The following RNF185 variants were observed in gnomAD, a reference collection of about 807,000 sequenced individuals.
RNF185 encodes the protein ring finger protein 185, also known as E3 ubiquitin-protein ligase RNF185.
A neutral mutation model predicts 24.9 loss-of-function variants in RNF185; 13 were observed. The ratio of observed to expected loss-of-function variants is 0.52; its 90% confidence interval spans 0.34 to 0.83. The LOEUF (loss-of-function observed/expected upper bound fraction) is 0.83. Among genes scored for constraint, RNF185 ranks in the 40% least tolerant of loss-of-function variants. The pLI is 0.01. For missense variants in RNF185, 184 were observed against 244.7 expected (o/e 0.75, Z 1.65); for synonymous variants, 79 against 90.3 (o/e 0.88, Z 0.71).
intron 1 of RNF185, among the ~76,000 whole-genome samples, chr22:31,163,993 A>T (rs1018396007): frequency 2.0e-4 from 27 of 134,990 alleles, no homozygotes; most frequent in South Asian, 7.1e-4. Context: ...TATTATTATT[A>T]TTTTTTAGAT....
chr22:31,190,848 C>T (rs991771355), intron 2 of RNF185, among the ~76,000 whole-genome samples: 2 of 151,992 alleles, frequency 1.3e-5, no homozygotes, highest in African/African-American at 4.8e-5. Context: ...AAATAATCTG[C>T]CCACCTCAGC....
Position 31,190,927 on chromosome 22 carries a change from A to G in RNF185, c.177-1757A>G, listed in dbSNP as rs572649384. Among the ~76,000 whole-genome samples the G allele has an allele frequency of 3.9e-5, 6 of 152,328 alleles. No individual in the cohort carries two copies. In the South Asian group the frequency reaches 8.3e-4, roughly 21 times the overall value. ...CTCTATGTTAGGTATGTTTAAATAC[A>G]CAAATATTTACCACTCTGTTACAGT... On this transcript the variant is annotated intron_variant, in intron 2 of 6. Transcript: ENST00000326132.
At chr22:31,200,031 G>GA (rs1459165066) in intron 5 of RNF185, among the ~76,000 whole-genome samples, 1 of 152,060 alleles carries the variant, frequency 6.6e-6, no homozygotes, top group Non-Finnish European at 1.5e-5. Flanking sequence ...CAGGGGAAGA[G>GA]AAAAAAATAT....
At position 31,180,523 on chromosome 22, in the gene RNF185, C is replaced by CTT. The variant is rs11419917; in HGVS notation, c.-48-6510_-48-6509dup. On this transcript the variant is annotated intron_variant, in intron 1 of 6. Coordinates refer to ENST00000326132, the MANE Select transcript of RNF185 (RefSeq NM_152267.4). ...GTATGTTCTTCCACATTGTTAAAGACTTTTTTTTTTTTTTTAATACAATCA... is the reference window on the plus strand; with the variant it reads ...GTATGTTCTTCCACATTGTTAAAGACTTTTTTTTTTTTTTTTTAATACAATCA... Among the ~76,000 whole-genome samples, 647 of 142,668 alleles carry CTT rather than the reference C, an allele frequency of 4.5e-3. 7 individuals carry two copies. The highest frequency in any genetic ancestry group is 0.033 in the South Asian group (146 of 4,478). 93.6% of individuals were successfully genotyped at this position (142,668 alleles called of 152,430 possible).
chr22:31,192,737 A>G (rs757559196), intron 3 of RNF185, 35 bp downstream of exon 3: 9 of 1,608,128 alleles, frequency 5.6e-6, no homozygotes, highest in Non-Finnish European at 7.7e-6. Flanking sequence ...GTCTTTCATC[A>G]GCTCTGGTTG....
rs1027093585 is a variant in RNF185, at chr22:31,187,102, G to A, written c.8G>A (p.Ser3Asn). 4 of 1,605,446 alleles carry A rather than the reference G, an allele frequency of 2.5e-6. No homozygotes were observed. Among genetic ancestry groups the A allele is most frequent in the Non-Finnish European group, 3.4e-6 (4 of 1,176,874 alleles). ...CTTCGCTGACAGCCAAGGATGGCAA[G>A]CAAGGGGCCCTCGGCCTCTGCATCT... MA[S>N]KGPSASASPE... Residue 3 changes from serine to asparagine, a missense_variant, in exon 2 of 7, where the codon AGC becomes AAC. Transcript: ENST00000326132.
intron 2 of RNF185, among the ~76,000 whole-genome samples, chr22:31,187,983 CA>C (rs2048116833): frequency 6.6e-6 from 1 of 151,322 alleles, no homozygotes; most frequent in South Asian, 2.1e-4. Context: ...AAAGGTCGAT[CA>C]AAAAATGCTA....
At chr22:31,169,396 ACTTTTT>A (rs1212136787) in intron 1 of RNF185, among the ~76,000 whole-genome samples, 4 of 152,162 alleles carry the variant, frequency 2.6e-5, no homozygotes, top group African/African-American at 9.6e-5. Context: ...CAATTTGTCT[ACTTTTT>A]CTTTTGTTAC....
At chr22:31,204,423 C>A in intron 6 of RNF185, 66 bp from the exon 7 acceptor site, 2 of 922,972 alleles carry the variant, frequency 2.2e-6, no homozygotes, top group Non-Finnish European at 3.6e-6. Context: ...CAACTTCTGG[C>A]CTGAGTGGGC....
At chr22:31,178,318 T>C (rs1263468991) in intron 1 of RNF185, among the ~76,000 whole-genome samples, 1 of 152,218 alleles carries the variant, frequency 6.6e-6, no homozygotes, top group Non-Finnish European at 1.5e-5. Context: ...GCCCTGAGGT[T>C]TCTGTCCTTC....
At chr22:31,160,877 G>A (rs911894875) in intron 1 of RNF185, among the ~76,000 whole-genome samples, 1 of 152,168 alleles carries the variant, frequency 6.6e-6, no homozygotes, top group Non-Finnish European at 1.5e-5. Flanking sequence ...CAGACTTCTG[G>A]TTTAGAATCT....
Position 31,196,945 on chromosome 22 carries a change from C to T in RNF185, c.318C>T (p.Thr106=), listed in dbSNP as rs775983070. The T allele has an allele frequency of 4.8e-5, 77 of 1,611,874 alleles. 1 individual carries two copies. In the East Asian group the frequency reaches 1.5e-3, roughly 32 times the overall value. Residue 106 remains threonine, a synonymous_variant, in exon 5 of 7, where the codon ACC becomes ACT. Transcript: ENST00000326132. ...ACCATTTCTGTTTCAGAGAGAAGAC[C>T]CCTCCTCGTCCTCAAGGACAGAGGC... is the stretch of plus-strand genomic sequence containing the variant. ...STGQQDPREK[T]PPRPQGQRPE... is the part of the protein sequence containing the mutation.
At position 31,201,481 on chromosome 22, in the gene RNF185, G is replaced by A; in HGVS notation, c.364-17G>A. ...CTGCCTGATTCTCCTGCCCTTAATT[G>A]CCTTTCTTCCACACAGGGATTTCAA... On this transcript the variant is annotated splice_polypyrimidine_tract_variant and intron_variant, in intron 5 of 6. Transcript: ENST00000326132. 6.3e-7 allele frequency: 1 copy of A among 1,585,406 alleles called. No homozygotes were observed. Among genetic ancestry groups the A allele is most frequent in the East Asian group, 2.2e-5 (1 of 44,734 alleles).
At chr22:31,173,967 C>T (rs185810295) in intron 1 of RNF185, among the ~76,000 whole-genome samples, 2 of 152,300 alleles carry the variant, frequency 1.3e-5, no homozygotes, top group Admixed American at 1.3e-4. Flanking sequence ...AACCAAGTAC[C>T]TGCTGGTTGC....
At chr22:31,198,420 A>C (rs2048228313) in intron 5 of RNF185, among the ~76,000 whole-genome samples, 1 of 100,830 alleles carries the variant, frequency 9.9e-6, no homozygotes, top group Non-Finnish European at 1.9e-5. Context: ...TTTTTTTGAG[A>C]TGAAGTTTCA....
chr22:31,189,952 C>T (rs979277152), intron 2 of RNF185, among the ~76,000 whole-genome samples: 25 of 152,088 alleles, frequency 1.6e-4, no homozygotes, highest in Admixed American at 3.9e-4. Flanking sequence ...TAAAATGAAA[C>T]AGATGCTTCC....
chr22:31,190,665 A>G (rs770768201), intron 2 of RNF185, among the ~76,000 whole-genome samples: 11 of 148,734 alleles, frequency 7.4e-5, no homozygotes, highest in Admixed American at 2.0e-4. Context: ...ATTGAGTAGC[A>G]CGATCTCAGC....
chr22:31,196,810 TA>T, intron 4 of RNF185, 125 bp from the exon 5 acceptor site: 1 of 1,237,450 alleles, frequency 8.1e-7, no homozygotes, highest in Non-Finnish European at 1.1e-6. Context: ...TAATCTGGCA[TA>T]AGTTCATGTC....
intron 1 of RNF185, among the ~76,000 whole-genome samples, chr22:31,166,957 G>A (rs765016778): frequency 9.9e-4 from 151 of 152,012 alleles, no homozygotes; most frequent in African/African-American, 3.0e-3. Context: ...GCCTATAAGC[G>A]TTACTTCTGA....
Sources: gnomAD v4.1 joint callset for allele counts (sites outside exome capture counted in the v4.1 genomes callset) on GRCh38, gnomAD v4.1.1 for gene constraint, MANE v1.5 for transcripts, NCBI Gene and HGNC (gene_info 2026-07-23, HGNC 2026-07-21) for gene names.